The following WDR4 variants were observed in gnomAD, a reference collection of about 807,000 sequenced individuals.
The protein encoded by WDR4 is tRNA (guanine-N(7)-)-methyltransferase non-catalytic subunit WDR4.
A neutral mutation model predicts 48.6 loss-of-function variants in WDR4; 47 were observed. The ratio of observed to expected loss-of-function variants is 0.97; its 90% confidence interval spans 0.77 to 1.23. The LOEUF (loss-of-function observed/expected upper bound fraction) is 1.23, where lower values mean the gene tolerates loss of function less well. Among genes scored for constraint, WDR4 ranks in the 50% most tolerant of loss-of-function variants. The pLI is 0.00. For synonymous variants in WDR4, 268 were observed against 230.0 expected (o/e 1.17, Z -1.49); for missense variants, 606 against 551.6 (o/e 1.10, Z -0.99).
At chr21:42,877,944 C>G (rs950808503) in intron 1 of WDR4, among the ~76,000 whole-genome samples, 3 of 149,774 alleles carry the variant, frequency 2.0e-5, no homozygotes, top group African/African-American at 7.4e-5. Flanking sequence ...ACTCGGGAGG[C>G]TGAGGCAGGA....
intron 9 of WDR4, 70 bp from the exon 10 acceptor site, chr21:42,852,394 A>G (rs2057856627): frequency 1.9e-6 from 3 of 1,543,678 alleles, no homozygotes; most frequent in Non-Finnish European, 1.8e-6. Context: ...AGGACGCAAC[A>G]CATGCTGGCC....
At chr21:42,845,422 TGCTGCTG>T (rs1236882715), downstream of WDR4, among the ~76,000 whole-genome samples, 1 of 152,268 alleles carries the variant, frequency 6.6e-6, no homozygotes, top group Non-Finnish European at 1.5e-5. Flanking sequence ...GCTGGTCAGC[TGCTGCTG>T]GCTGCTGGCA....
intron 6 of WDR4, among the ~76,000 whole-genome samples, chr21:42,858,578 G>T (rs755466359): frequency 2.6e-5 from 4 of 152,200 alleles, no homozygotes; most frequent in African/African-American, 9.7e-5. Context: ...ACCAGATGAC[G>T]TGTTCCACTC....
intron 3 of WDR4, among the ~76,000 whole-genome samples, chr21:42,871,357 C>T (rs2058365556): frequency 1.3e-5 from 2 of 152,244 alleles, no homozygotes; most frequent in Non-Finnish European, 1.5e-5. Flanking sequence ...TCCCTCCTTC[C>T]CACAGGTTGT....
chr21:42,874,991 C>T (rs993468594), intron 2 of WDR4, among the ~76,000 whole-genome samples: 1 of 152,132 alleles, frequency 6.6e-6, no homozygotes, highest in African/African-American at 2.4e-5. Context: ...GGAGGCATCA[C>T]GGAACCTACC....
At chr21:42,849,103 C>T (rs1335318958), downstream of WDR4, 9 of 136,376 alleles carry the variant, frequency 6.6e-5, no homozygotes, top group Admixed American at 6.3e-4. Context: ...CTCACACACA[C>T]ACACAGCGCA....
At chr21:42,881,225 A>G (rs975808066), upstream of WDR4, among the ~76,000 whole-genome samples, 10 of 152,246 alleles carry the variant, frequency 6.6e-5, no homozygotes, top group East Asian at 1.5e-3. Flanking sequence ...CATTTAAATC[A>G]TTGAGATCAC....
At chr21:42,860,806 C>T (rs1313342345) in intron 5 of WDR4, among the ~76,000 whole-genome samples, 3 of 152,248 alleles carry the variant, frequency 2.0e-5, no homozygotes, top group African/African-American at 7.2e-5. Flanking sequence ...TGAGCACCTA[C>T]TCATGCCAGG....
downstream of WDR4, among the ~76,000 whole-genome samples, chr21:42,846,575 T>C (rs185768195): frequency 6.6e-6 from 1 of 152,246 alleles, no homozygotes; most frequent in Non-Finnish European, 1.5e-5. Flanking sequence ...GGGCTGGGCA[T>C]AATGGCTCGT....
At chr21:42,868,733 C>A (rs772757653) in intron 3 of WDR4, among the ~76,000 whole-genome samples, 1 of 152,194 alleles carries the variant, frequency 6.6e-6, no homozygotes, top group Non-Finnish European at 1.5e-5. Context: ...GGGCTGGGAA[C>A]TAAAAGTCAG....
In WDR4 at chr21:42,879,417, T is replaced by C. The variant is rs977209567; in HGVS notation, c.79A>G (p.Ile27Val). Residue 27 changes from isoleucine (I) to valine (V), a missense_variant, in exon 1 of 11, where the codon ATA becomes GTA. Physicochemically the swap from Ile to Val is conservative, Grantham distance 29. Coordinates refer to ENST00000398208, the MANE Select transcript of WDR4 (RefSeq NM_018669.6). The part of the protein sequence containing the change: ...RGGSRFLATS[I>V]ASSDDDSLFI... ...CCAAGGCCCCCTCACCTGCTTGCTA[T>C]GGAGGTGGCCAGGAATCGGCTGCCG... 6.2e-7 allele frequency: 1 copy of C among 1,613,656 alleles called. No homozygotes were observed. The highest frequency in any genetic ancestry group is 8.5e-7 in the Non-Finnish European group (1 of 1,179,868).
chr21:42,884,337 G>T (rs372329076), upstream of WDR4, among the ~76,000 whole-genome samples: 1 of 152,130 alleles, frequency 6.6e-6, no homozygotes, highest in Non-Finnish European at 1.5e-5. Flanking sequence ...GGTAGAGGTT[G>T]CAATGAGCTG....
the WDR4 span, among the ~76,000 whole-genome samples, chr21:42,885,037 A>G: frequency 6.6e-6 from 1 of 152,072 alleles, no homozygotes; most frequent in East Asian, 1.9e-4. Flanking sequence ...TGGCTTCCCA[A>G]ATTGCTGGGA....
upstream of WDR4, chr21:42,879,582 CGA>C (rs370015709): frequency 2.6e-4 from 398 of 1,513,914 alleles, 5 homozygotes; most frequent in East Asian, 5.0e-3. Flanking sequence ...GCGCAGACGC[CGA>C]GAGATGACGT....
intron 2 of WDR4, among the ~76,000 whole-genome samples, chr21:42,874,616 G>A (rs2058447669): frequency 6.6e-6 from 1 of 152,064 alleles, no homozygotes; most frequent in Non-Finnish European, 1.5e-5. Context: ...GTGGGCCTCT[G>A]AAATGGCCCC....
chr21:42,862,637 TG>T lies in WDR4; in HGVS notation c.454-244del, dbSNP rs1207647118. On this transcript the variant is annotated intron_variant, in intron 4 of 10. Transcript: ENST00000398208. This position sits in a 1 kb window ranked among gnomAD's most constrained non-coding sequence, Gnocchi z 4.3. ...ACTCCTCAGTGCTAGAGCAGGCTTC[TG>T]GGGTGGGGCAGTGCCACCCCTGCCT... is the stretch of plus-strand genomic sequence containing the variant. Among the ~76,000 whole-genome samples the T allele has an allele frequency of 6.6e-6, 1 of 152,138 alleles. No individual in the cohort carries two copies. The highest frequency in any genetic ancestry group is 2.4e-5 in the African/African-American group (1 of 41,430).
At chr21:42,889,718 A>G in the WDR4 span, among the ~76,000 whole-genome samples, 1 of 152,138 alleles carries the variant, frequency 6.6e-6, no homozygotes, top group African/African-American at 2.4e-5. Flanking sequence ...GAATTACTAC[A>G]TGATTTGGAG....
At position 42,862,535 on chromosome 21, in the gene WDR4, CCCT is replaced by C; in HGVS notation, c.454-144_454-142del. 1 of 698,852 alleles carries C rather than the reference CCCT, an allele frequency of 1.4e-6. No homozygotes were observed. Among genetic ancestry groups the C allele is most frequent in the East Asian group, 2.7e-5 (1 of 36,838 alleles). The allele number at this position is 698,852 out of a possible 1,614,324, so 43.3% of individuals were successfully genotyped here. On this transcript the variant is annotated intron_variant, in intron 4 of 10. Transcript: ENST00000398208. This position sits in a 1 kb window ranked among gnomAD's most constrained non-coding sequence, Gnocchi z 4.3. ...CGAGGACAGACCAGCGTGGCTCCTC[CCCT>C]CCTCCCGTCCCTACGTCTAATTGGT...
chr21:42,845,490 C>T (rs2057703177), downstream of WDR4, among the ~76,000 whole-genome samples: 1 of 152,180 alleles, frequency 6.6e-6, no homozygotes, highest in Non-Finnish European at 1.5e-5. Context: ...GCTGAGTGCC[C>T]TCGTGAGCTT....
Sources: gnomAD v4.1 joint callset for allele counts (sites outside exome capture counted in the v4.1 genomes callset) on GRCh38, gnomAD v4.1.1 for gene constraint, Gnocchi (gnomAD v3.1) non-coding constraint, MANE v1.5 for transcripts, NCBI Gene and HGNC (gene_info 2026-07-23, HGNC 2026-07-21) for gene names.